GPC5: variants seen among roughly 807,000 people sequenced by gnomAD.
GPC5 encodes glypican-5.
GPC5 carries 47 observed loss-of-function variants against 53.9 expected under a neutral mutation model. The ratio of observed to expected loss-of-function variants is 0.87; its 90% CI spans 0.69 to 1.11. The LOEUF is 1.11. Ranked by LOEUF, GPC5 falls within the 50% of genes most tolerant of loss-of-function variation. The probability of loss-of-function intolerance (pLI) is 0.00; values close to 1 mark genes in which losing one functional copy is unlikely to be tolerated. For missense variants in GPC5, 748 were observed against 713.1 expected (o/e 1.05, Z -0.56); for synonymous variants, 286 against 263.3 (o/e 1.09, Z -0.84).
intron 6 of GPC5, among the ~76,000 whole-genome samples, chr13:92,114,875 A>C (rs1217923821): frequency 6.6e-6 from 1 of 152,236 alleles, no homozygotes; most frequent in Non-Finnish European, 1.5e-5. Context: ...AAAATGAAAC[A>C]CACTTATCTA....
chr13:92,695,505 A>G (rs899954334), intron 7 of GPC5, among the ~76,000 whole-genome samples: 6 of 151,748 alleles, frequency 4.0e-5, no homozygotes, highest in African/African-American at 9.7e-5. Flanking sequence ...CCAAGTATTT[A>G]TATCTGTTTT....
intron 7 of GPC5, among the ~76,000 whole-genome samples, chr13:92,346,666 A>G (rs2043415579): frequency 6.6e-6 from 1 of 152,252 alleles, no homozygotes; most frequent in African/African-American, 2.4e-5. Flanking sequence ...GGGAATCATT[A>G]CACTTCAAGG....
intron 7 of GPC5, among the ~76,000 whole-genome samples, chr13:92,662,289 C>G (rs1264445664): frequency 6.6e-6 from 1 of 152,308 alleles, no homozygotes; most frequent in South Asian, 2.1e-4. Context: ...ATTAAATTTT[C>G]AATTGCAATA....
chr13:92,343,088 A>G (rs1328169860), intron 7 of GPC5, among the ~76,000 whole-genome samples: 1 of 152,174 alleles, frequency 6.6e-6, no homozygotes, highest in Non-Finnish European at 1.5e-5. Flanking sequence ...TTGCAACAAT[A>G]ATTTGTTTTC....
chr13:92,520,030 A>G (rs1880970993), intron 7 of GPC5, among the ~76,000 whole-genome samples: 1 of 152,238 alleles, frequency 6.6e-6, no homozygotes, highest in Non-Finnish European at 1.5e-5. Context: ...AAAATGTAGA[A>G]GAAACAGATA....
chr13:92,569,795 A>G (rs1234477327), intron 7 of GPC5, among the ~76,000 whole-genome samples: 1 of 152,296 alleles, frequency 6.6e-6, no homozygotes, highest in Non-Finnish European at 1.5e-5. Context: ...AAGACACATT[A>G]GTGTTTTAAA....
chr13:92,714,577 C>T (rs566923964), intron 7 of GPC5, among the ~76,000 whole-genome samples: 3 of 152,144 alleles, frequency 2.0e-5, no homozygotes, highest in Admixed American at 6.5e-5. Flanking sequence ...GTATGCCAAC[C>T]ATGTTAGATA....
chr13:92,398,760 T>A (rs1219565818), intron 7 of GPC5, among the ~76,000 whole-genome samples: 1 of 152,196 alleles, frequency 6.6e-6, no homozygotes, highest in Non-Finnish European at 1.5e-5. Flanking sequence ...AAAACCTTTT[T>A]TTTCTATTCC....
intron 7 of GPC5, among the ~76,000 whole-genome samples, chr13:92,366,552 T>G (rs2043608825): frequency 6.7e-6 from 1 of 149,564 alleles, no homozygotes; most frequent in Non-Finnish European, 1.5e-5. Context: ...CACTAGTAGA[T>G]GTTAAAACAT....
intron 7 of GPC5, among the ~76,000 whole-genome samples, chr13:92,705,434 T>C (rs1189286838): frequency 6.6e-6 from 1 of 152,118 alleles, no homozygotes; most frequent in African/African-American, 2.4e-5. Context: ...CATATGGCTA[T>C]AAAAGCAATG....
intron 4 of GPC5, among the ~76,000 whole-genome samples, chr13:91,750,674 C>CTTTTTTTTTTT (rs752907631): frequency 1.2e-5 from 1 of 82,018 alleles, no homozygotes; most frequent in Non-Finnish European, 2.2e-5. Context: ...TAGGTAAGTC[C>CTTTTTTTTTTT]TTTTTTTTTT....
intron 7 of GPC5, among the ~76,000 whole-genome samples, chr13:92,258,292 C>G (rs74107159): frequency 6.6e-6 from 1 of 152,250 alleles, no homozygotes; most frequent in African/African-American, 2.4e-5. Flanking sequence ...ACCTGTCAGC[C>G]ATATTCTAAC....
intron 7 of GPC5, among the ~76,000 whole-genome samples, chr13:92,308,232 C>A (rs1039603827): frequency 1.7e-4 from 26 of 152,126 alleles, no homozygotes; most frequent in African/African-American, 5.8e-4. Context: ...TAATAAAACC[C>A]AACTCATAGG....
chr13:92,034,236 C>T (rs2040875829), intron 6 of GPC5, among the ~76,000 whole-genome samples: 2 of 152,170 alleles, frequency 1.3e-5, no homozygotes. Flanking sequence ...CGGCTCACGT[C>T]TGTAATCTCA....
chr13:91,873,612 C>T (rs2039171994), intron 5 of GPC5, among the ~76,000 whole-genome samples: 1 of 152,162 alleles, frequency 6.6e-6, no homozygotes, highest in South Asian at 2.1e-4. Context: ...TGAGGCCTCC[C>T]CAGCCATGTG....
rs144520258 is a variant in GPC5 at position 91,559,253 on chromosome 13, A to G, written c.325+110331A>G. On this transcript the variant is annotated intron_variant, in intron 2 of 7. Coordinates refer to ENST00000377067, the MANE Select transcript of GPC5 (RefSeq NM_004466.6). ...GCCAACTGAAGCAGGTGCGTAGCAA[A>G]CTGACAGTGCTATTGCATTGAACAT... 1.6e-3 allele frequency among the ~76,000 whole-genome samples: 246 copies of G among 152,238 alleles called. 7 individuals carry two copies. Among genetic ancestry groups the G allele is most frequent in the Non-Finnish European group, 2.5e-4 (17 of 67,998 alleles).
At chr13:92,453,931 T>C (rs181778041) in intron 7 of GPC5, among the ~76,000 whole-genome samples, 2 of 152,308 alleles carry the variant, frequency 1.3e-5, no homozygotes, top group East Asian at 3.9e-4. Flanking sequence ...GAAATATCCA[T>C]TGTCGTATAA....
intron 7 of GPC5, among the ~76,000 whole-genome samples, chr13:92,764,825 A>T (rs1875329503): frequency 6.6e-6 from 1 of 151,968 alleles, no homozygotes; most frequent in Admixed American, 6.6e-5. Context: ...TGCTGATGTC[A>T]TTCTCCCCAA....
intron 7 of GPC5, among the ~76,000 whole-genome samples, chr13:92,344,772 C>A (rs2043396662): frequency 6.6e-6 from 1 of 152,074 alleles, no homozygotes; most frequent in African/African-American, 2.4e-5. Context: ...CAATGTGGGG[C>A]AGAAATAGGG....
Sources: gnomAD v4.1 joint callset for allele counts (sites outside exome capture counted in the v4.1 genomes callset) on GRCh38, gnomAD v4.1.1 for gene constraint, MANE v1.5 for transcripts, NCBI Gene and HGNC (gene_info 2026-07-23, HGNC 2026-07-21) for gene names.